Variants in PRKDC observed in about 807,000 individuals in gnomAD.
PRKDC encodes DNA-dependent protein kinase catalytic subunit.
Under a neutral mutation model 486.9 loss-of-function variants are expected in PRKDC, and 82 were observed. The observed-to-expected ratio is 0.17, with a 90% CI of 0.14 to 0.20. The LOEUF is 0.20. PRKDC is among the 10% of genes least tolerant of loss of function. The probability of loss-of-function intolerance (pLI) is 1.00; values close to 1 mark genes in which losing one functional copy is unlikely to be tolerated. For synonymous variants in PRKDC, 1,895 were observed against 1,837.0 expected (o/e 1.03, Z -0.81); for missense variants, 4,504 against 5,038.2 (o/e 0.89, Z 3.21).
chr8:47,947,230 T>G (rs1362834815), intron 7 of PRKDC, among the ~76,000 whole-genome samples: 1 of 152,144 alleles, frequency 6.6e-6, no homozygotes, highest in African/African-American at 2.4e-5. Flanking sequence ...TGTCTCCCTC[T>G]CCTCCTTCTG....
At position 47,937,629 on chromosome 8, in the gene PRKDC, C is replaced by T. The variant is rs376484161; in HGVS notation, c.1114-1112G>A. ...CAGGCTCCCCGAGGATCTGATGGTG[C>T]ACCTCTTCAGATCCATTTCCCCTCT... is the stretch of plus-strand genomic sequence containing the variant. On this transcript the variant is annotated intron_variant, in intron 11 of 85. Transcript: ENST00000314191. 1.9e-4 allele frequency among the ~76,000 whole-genome samples: 29 copies of T among 152,314 alleles called. 1 individual carries two copies. Among genetic ancestry groups the T allele is most frequent in the African/African-American group, 6.7e-4 (28 of 41,570 alleles).
At chr8:47,825,811 G>A (rs915172286) in intron 63 of PRKDC, among the ~76,000 whole-genome samples, 3 of 152,116 alleles carry the variant, frequency 2.0e-5, no homozygotes, top group Non-Finnish European at 4.4e-5. Context: ...GAATGGCCCT[G>A]GCATTTTATC....
chr8:47,799,380 C>T lies in PRKDC; in HGVS notation c.10127G>A (p.Gly3376Asp), dbSNP rs1272452350. The T allele has an allele frequency of 6.5e-7, 1 of 1,549,434 alleles. No homozygotes were observed. The highest frequency in any genetic ancestry group is 8.7e-7 in the Non-Finnish European group (1 of 1,152,270). The change falls in exon 72 of 86, where the codon GGT (glycine) becomes GAT (aspartate). Residue 3376 changes from glycine (G) to aspartate (D), a missense_variant. Physicochemically the swap from Gly to Asp is moderately conservative, Grantham distance 94. Around this residue, in one of 6 missense-constraint regions of PRKDC, gnomAD observed 1,592 missense variants for 1,724.6 expected, o/e 0.92. Coordinates refer to ENST00000314191, the MANE Select transcript of PRKDC (RefSeq NM_006904.7). ...GTGCTGGAATGCTCTCTGGTACAGA[C>T]CCGCGATCACCTGGAATTCACAGAG... ...SSEDSEKVIA[G>D]LYQRAFQHLS...
chr8:47,805,621 G>A (rs1181278453), intron 69 of PRKDC, among the ~76,000 whole-genome samples: 2 of 152,154 alleles, frequency 1.3e-5, no homozygotes, highest in East Asian at 1.9e-4. Flanking sequence ...GGTAAGGCAC[G>A]ACAGTTTTAA....
In PRKDC at chr8:47,889,186, T is replaced by C. The variant is rs183449582; in HGVS notation, c.4108A>G (p.Arg1370Gly). ...KKDLCNTHLM[R>G]VLVQTLCEPA... is the part of the protein sequence containing the mutation. ...TCACACAGCGTCTGCACCAGGACTCTCATCAGGTGTGTATTACACAAGTCC... is the reference window on the plus strand; with the variant it reads ...TCACACAGCGTCTGCACCAGGACTCCCATCAGGTGTGTATTACACAAGTCC... The change falls in exon 33 of 86, where the codon AGA (arginine) becomes GGA (glycine). Residue 1370 changes from arginine (R) to glycine (G), a missense_variant. By Grantham distance (125) the Arg-to-Gly change is moderately radical. Transcript: ENST00000314191. The C allele has an allele frequency of 7.4e-6, 12 of 1,613,674 alleles. No individual in the cohort carries two copies. In the South Asian group the frequency reaches 1.3e-4, roughly 18 times the overall value.
At chr8:47,918,755 A>T (rs928040002) in intron 21 of PRKDC, among the ~76,000 whole-genome samples, 3 of 152,192 alleles carry the variant, frequency 2.0e-5, no homozygotes, top group African/African-American at 7.2e-5. Flanking sequence ...TCTTACTAAT[A>T]CAGATAAATA....
intron 49 of PRKDC, 143 bp from the exon 50 acceptor site, chr8:47,855,516 G>C (rs574425573): frequency 1.1e-6 from 1 of 897,546 alleles, no homozygotes; most frequent in Admixed American, 3.0e-5. Flanking sequence ...TTCAGAAACA[G>C]GTAACAACAA....
chr8:47,827,118 T>TCACTCACA (rs2087756443), intron 62 of PRKDC, among the ~76,000 whole-genome samples: 2 of 128,240 alleles, frequency 1.6e-5, no homozygotes, highest in African/African-American at 2.8e-5. Context: ...AATATGAAGA[T>TCACTCACA]CACACACACA....
At chr8:47,811,429 A>G (rs752146479) in intron 68 of PRKDC, among the ~76,000 whole-genome samples, 1 of 152,216 alleles carries the variant, frequency 6.6e-6, no homozygotes, top group Non-Finnish European at 1.5e-5. Context: ...TTTTTAGGCT[A>G]AAGGAAAATG....
intron 28 of PRKDC, among the ~76,000 whole-genome samples, chr8:47,898,861 A>G (rs1417599542): frequency 6.6e-6 from 1 of 152,260 alleles, no homozygotes; most frequent in Non-Finnish European, 1.5e-5. Context: ...TGTACCACCA[A>G]CACCACGGCC....
At chr8:47,886,563 T>G (rs911142114) in intron 35 of PRKDC, among the ~76,000 whole-genome samples, 1 of 152,198 alleles carries the variant, frequency 6.6e-6, no homozygotes, top group African/African-American at 2.4e-5. Context: ...GGCTAATTTT[T>G]GTATTTTTAG....
intron 25 of PRKDC, 111 bp from the exon 26 acceptor site, chr8:47,905,087 C>T: frequency 1.4e-6 from 1 of 732,172 alleles, no homozygotes; most frequent in Non-Finnish European, 2.2e-6. Context: ...AATACTACTA[C>T]CATGGTTGTA....
At chr8:47,807,917 T>C (rs1273956709) in intron 68 of PRKDC, among the ~76,000 whole-genome samples, 1 of 152,152 alleles carries the variant, frequency 6.6e-6, no homozygotes, top group African/African-American at 2.4e-5. Flanking sequence ...GGTTTCACCA[T>C]GTTGGCCAGG....
chr8:47,794,921 G>A (rs1347370761), intron 73 of PRKDC, among the ~76,000 whole-genome samples: 4 of 152,032 alleles, frequency 2.6e-5, no homozygotes, highest in African/African-American at 7.2e-5. Context: ...ATGGGGTCTC[G>A]CTCTGTCGCC....
At chr8:47,845,519 C>T (rs1218628964) in intron 54 of PRKDC, among the ~76,000 whole-genome samples, 3 of 151,950 alleles carry the variant, frequency 2.0e-5, no homozygotes, top group Admixed American at 6.6e-5. Flanking sequence ...GAACACTCTA[C>T]GTAAGCAAAT....
At position 47,862,356 on chromosome 8, in the gene PRKDC, C is replaced by A. The variant is rs773238193; in HGVS notation, c.5919+17G>T. On this transcript the variant is annotated intron_variant, in intron 43 of 85. Transcript: ENST00000314191. Reference sequence around the variant, plus strand: ...ACTCCTACAATAACAATAGTGCACACCGTAGGAGTGGCCTACCTTTTCTGG... The same window carrying A: ...ACTCCTACAATAACAATAGTGCACAACGTAGGAGTGGCCTACCTTTTCTGG... 3.7e-6 allele frequency: 6 copies of A among 1,607,448 alleles called. No individual in the cohort carries two copies. In the African/African-American group the frequency reaches 8.0e-5, roughly 21 times the overall value.
chr8:47,948,822 A>G (rs541304520), intron 7 of PRKDC, among the ~76,000 whole-genome samples: 81 of 152,328 alleles, frequency 5.3e-4, no homozygotes, highest in South Asian at 1.2e-3. Context: ...TCACATGATC[A>G]TGGCATCACA....
chr8:47,776,289 A>G (rs772101984), intron 85 of PRKDC, among the ~76,000 whole-genome samples: 2 of 152,226 alleles, frequency 1.3e-5, no homozygotes, highest in Non-Finnish European at 2.9e-5. Flanking sequence ...GTCAAAAATA[A>G]GTTGACAATA....
Position 47,819,391 on chromosome 8 carries a change from A to G in PRKDC, c.9445+11T>C. ...TAGAAATGAAAAAAAAAGACCGATG[A>G]AAAAAATTACCTTGTTTGCTTATAA... On this transcript the variant is annotated intron_variant, in intron 67 of 85. Coordinates refer to ENST00000314191, the MANE Select transcript of PRKDC (RefSeq NM_006904.7). The G allele has an allele frequency of 4.7e-6, 7 of 1,476,070 alleles. No homozygotes were observed. The highest frequency in any genetic ancestry group is 1.3e-5 in the South Asian group (1 of 76,172). The allele number at this position is 1,476,070 out of a possible 1,614,324, so 91.4% of individuals were successfully genotyped here. A position where few individuals can be genotyped will look rare whatever the true frequency, so the allele number is the denominator to read the frequency against.
Sources: gnomAD v4.1 joint callset for allele counts (sites outside exome capture counted in the v4.1 genomes callset) on GRCh38, gnomAD v4.1.1 for gene constraint, gnomAD v4.1.1 regional missense constraint, MANE v1.5 for transcripts, NCBI Gene and HGNC (gene_info 2026-07-23, HGNC 2026-07-21) for gene names.